The following CEP63 variants were observed in gnomAD, a reference collection of about 807,000 sequenced individuals.
CEP63 encodes centrosomal protein of 63 kDa.
Under a neutral mutation model 89.1 loss-of-function variants are expected in CEP63, and 84 were observed. That is an observed-to-expected ratio of 0.94 (90% CI 0.79 to 1.13). The LOEUF is 1.13. CEP63 is among the 50% of genes most tolerant of loss of function. CEP63 has a pLI of 0.00. For synonymous variants in CEP63, 267 were observed against 272.5 expected (o/e 0.98, Z 0.20); for missense variants, 838 against 813.3 (o/e 1.03, Z -0.37).
chr3:134,524,701 C>T (rs1040986187), intron 3 of CEP63, among the ~76,000 whole-genome samples: 10 of 152,052 alleles, frequency 6.6e-5, no homozygotes, highest in African/African-American at 1.9e-4. Context: ...TTGTGTCTGT[C>T]GAGCCAACCT....
chr3:134,689,399 G>C, the CEP63 span, among the ~76,000 whole-genome samples: 3 of 152,036 alleles, frequency 2.0e-5, no homozygotes, highest in Non-Finnish European at 2.9e-5. Flanking sequence ...TCCAAAAACA[G>C]AGCTTCACAA....
the CEP63 span, chr3:134,643,458 CG>C: frequency 7.8e-7 from 1 of 1,279,260 alleles, no homozygotes; most frequent in Non-Finnish European, 1.1e-6. Flanking sequence ...TATGTGTTTG[CG>C]GGAAAGGTGG....
At chr3:134,544,339 G>A (rs1411581564) in intron 6 of CEP63, among the ~76,000 whole-genome samples, 2 of 152,124 alleles carry the variant, frequency 1.3e-5, no homozygotes, top group Non-Finnish European at 2.9e-5. Context: ...AAAGTTTGGA[G>A]CTAAAACCCA....
chr3:134,745,966 T>C, the CEP63 span, among the ~76,000 whole-genome samples: 152 of 151,610 alleles, frequency 1.0e-3, 2 homozygotes, highest in Non-Finnish European at 9.7e-4. Flanking sequence ...GTGCACAACA[T>C]GCAGTTTTGT....
chr3:134,612,248 A>G, the CEP63 span, among the ~76,000 whole-genome samples: 59 of 152,296 alleles, frequency 3.9e-4, no homozygotes, highest in African/African-American at 1.3e-3. Context: ...TTCTGGGAGC[A>G]CTTGAGGGCA....
chr3:134,558,283 C>T lies in CEP63; in HGVS notation c.1609C>T (p.Gln537Ter), dbSNP rs1301749732. ...LEISTQMCKK[Q>*]NDRIFKPTHS... ...GATTTCTACTCAGATGTGCAAAAAA[C>T]AAAATGACAGGATCTTTAAACCAAC... Residue 537 changes from glutamine to a stop codon, truncating the protein, a stop_gained, in exon 13 of 15, where the codon CAA becomes TAA. Transcript: ENST00000675561. LOFTEE classifies it high-confidence loss of function. The T allele has an allele frequency of 1.2e-6, 2 of 1,613,788 alleles. No individual in the cohort carries two copies. The highest frequency in any genetic ancestry group is 1.3e-5 in the African/African-American group (1 of 75,018).
intron 3 of CEP63, among the ~76,000 whole-genome samples, chr3:134,516,196 CA>C (rs1353670843): frequency 1.3e-5 from 2 of 152,130 alleles, no homozygotes; most frequent in Non-Finnish European, 2.9e-5. Flanking sequence ...AACATGTGAA[CA>C]AAGGTCTCTG....
At chr3:134,660,484 TCA>T in the CEP63 span, among the ~76,000 whole-genome samples, 1 of 152,206 alleles carries the variant, frequency 6.6e-6, no homozygotes, top group Non-Finnish European at 1.5e-5. Context: ...GAGCTAGGAT[TCA>T]CACTCAGTGT....
chr3:134,519,852 G>T (rs759293167), intron 3 of CEP63, among the ~76,000 whole-genome samples: 9 of 151,900 alleles, frequency 5.9e-5, no homozygotes, highest in Non-Finnish European at 1.2e-4. Context: ...TCCAGGAAAA[G>T]AATTTAATGA....
the CEP63 span, among the ~76,000 whole-genome samples, chr3:134,665,652 GACACACACAC>G: frequency 0.024 from 2,259 of 95,580 alleles, 58 homozygotes; most frequent in African/African-American, 0.054. Flanking sequence ...GGAAACAGAG[GACACACACAC>G]ACACACACAC....
chr3:134,570,969 GAGACTTATTCATCAC>G (rs1957985939), intron 11 of CEP63, among the ~76,000 whole-genome samples: 1 of 152,206 alleles, frequency 6.6e-6, no homozygotes, highest in Non-Finnish European at 1.5e-5. Flanking sequence ...CAGATCTCAT[GAGACTTATTCATCAC>G]AGACTTATTC....
the CEP63 span, among the ~76,000 whole-genome samples, chr3:134,740,150 C>T: frequency 2.6e-5 from 4 of 152,154 alleles, no homozygotes; most frequent in South Asian, 8.3e-4. Flanking sequence ...CTTCCAGGTG[C>T]TCAGGGTACA....
In CEP63 at chr3:134,582,983, A is replaced by G. The variant is rs187314634; in HGVS notation, c.1207-4475A>G. Among the ~76,000 whole-genome samples the G allele has an allele frequency of 1.6e-4, 24 of 152,306 alleles. 1 individual carries two copies. The highest frequency in any genetic ancestry group is 1.6e-3 in the Admixed American group (24 of 15,304). On this transcript the variant is annotated intron_variant, in intron 10 of 10. Coordinates refer to the CEP63 transcript ENST00000683931. ...TTGGCTGCATAAATGTCTTCTTTTG[A>G]GAAGTGTCTGTTCATATCCTTTGCC...
At chr3:134,671,711 C>A in the CEP63 span, among the ~76,000 whole-genome samples, 3 of 152,174 alleles carry the variant, frequency 2.0e-5, no homozygotes, top group Admixed American at 6.5e-5. Context: ...GTGTCTGCTG[C>A]TGGGTACAGT....
At chr3:134,684,667 G>T in the CEP63 span, among the ~76,000 whole-genome samples, 1 of 152,228 alleles carries the variant, frequency 6.6e-6, no homozygotes, top group Non-Finnish European at 1.5e-5. Context: ...TTCCTGGTTT[G>T]TGCCCATCTG....
chr3:134,612,853 A>T, the CEP63 span: 5 of 150,956 alleles, frequency 3.3e-5, no homozygotes, highest in African/African-American at 1.2e-4. Context: ...GATGGCACAA[A>T]AGGCACCTGA....
chr3:134,684,112 G>A, the CEP63 span, among the ~76,000 whole-genome samples: 2 of 152,088 alleles, frequency 1.3e-5, no homozygotes, highest in African/African-American at 4.8e-5. Context: ...AGACTTTTTT[G>A]TTCTTCTTTG....
At chr3:134,587,836 TAAA>T (rs79610579), downstream of CEP63, among the ~76,000 whole-genome samples, 3 of 117,114 alleles carry the variant, frequency 2.6e-5, no homozygotes, top group Admixed American at 8.7e-5. Context: ...GACCCCCCTA[TAAA>T]AAAAAAAAAA....
the CEP63 span, among the ~76,000 whole-genome samples, chr3:134,700,898 C>G: frequency 6.6e-6 from 1 of 152,102 alleles, no homozygotes. Context: ...GTGTGTTGCT[C>G]TCCCTTGGCT....
Sources: gnomAD v4.1 joint callset for allele counts (sites outside exome capture counted in the v4.1 genomes callset) on GRCh38, gnomAD v4.1.1 for gene constraint, MANE v1.5 for transcripts, NCBI Gene and HGNC (gene_info 2026-07-23, HGNC 2026-07-21) for gene names.